Variants in NRG1 observed in about 807,000 individuals in gnomAD.
The protein encoded by NRG1 is pro-neuregulin-1, membrane-bound isoform.
Under a neutral mutation model 63.8 loss-of-function variants are expected in NRG1, and 18 were observed. The observed-to-expected ratio is 0.28, with a 90% CI of 0.19 to 0.42. The LOEUF is 0.42. Among genes scored for constraint, NRG1 ranks in the 10% least tolerant of loss-of-function variants. The probability of loss-of-function intolerance (pLI) is 1.00; values close to 1 mark genes in which losing one functional copy is unlikely to be tolerated. For missense variants in NRG1, 762 were observed against 814.7 expected (o/e 0.94, Z 0.79); for synonymous variants, 302 against 301.3 (o/e 1.00, Z -0.02).
At chr8:32,232,287 A>G (rs1478609209) in intron 1 of NRG1, among the ~76,000 whole-genome samples, 3 of 152,236 alleles carry the variant, frequency 2.0e-5, no homozygotes, top group East Asian at 3.9e-4. Context: ...TAGGAAGTTC[A>G]TGGAATCTTA....
chr8:31,642,667 A>G (rs1444389333), intron 1 of NRG1, among the ~76,000 whole-genome samples: 2 of 152,214 alleles, frequency 1.3e-5, no homozygotes, highest in Non-Finnish European at 2.9e-5. Flanking sequence ...TTTTAAAAAA[A>G]TGGGTTTTTA....
chr8:32,622,229 T>C (rs1203844546), intron 5 of NRG1, among the ~76,000 whole-genome samples: 1 of 151,744 alleles, frequency 6.6e-6, no homozygotes, highest in African/African-American at 2.4e-5. Context: ...GAGGTTTCAG[T>C]AAGTCATGAT....
chr8:31,996,901 C>T (rs1812067837), intron 1 of NRG1, among the ~76,000 whole-genome samples: 1 of 151,920 alleles, frequency 6.6e-6, no homozygotes, highest in South Asian at 2.1e-4. Flanking sequence ...TCACCCACCC[C>T]ATGCCCCATC....
At chr8:31,958,804 A>G (rs1047188456) in intron 1 of NRG1, among the ~76,000 whole-genome samples, 2 of 152,198 alleles carry the variant, frequency 1.3e-5, no homozygotes, top group Non-Finnish European at 2.9e-5. Flanking sequence ...TTTTTATTCA[A>G]TTTATAACTC....
chr8:32,140,470 T>C (rs1002031830), intron 1 of NRG1, among the ~76,000 whole-genome samples: 1 of 151,942 alleles, frequency 6.6e-6, no homozygotes, highest in Non-Finnish European at 1.5e-5. Context: ...TTCTTTCTTT[T>C]TTTTTTTTCT....
intron 1 of NRG1, among the ~76,000 whole-genome samples, chr8:32,167,208 T>C (rs1202306173): frequency 1.3e-5 from 2 of 152,190 alleles, no homozygotes; most frequent in African/African-American, 2.4e-5. Flanking sequence ...CAAAGCCAGA[T>C]AGGCATATTA....
At chr8:32,649,917 C>T (rs1854625683) in intron 5 of NRG1, among the ~76,000 whole-genome samples, 1 of 152,072 alleles carries the variant, frequency 6.6e-6, no homozygotes, top group South Asian at 2.1e-4. Context: ...ACAGATCCTG[C>T]AAAAAGAAGC....
At chr8:31,671,644 G>A (rs1807156848) in intron 1 of NRG1, among the ~76,000 whole-genome samples, 1 of 152,132 alleles carries the variant, frequency 6.6e-6, no homozygotes, top group Non-Finnish European at 1.5e-5. Context: ...TATAATTAAT[G>A]ACTTTTGTTG....
Position 31,640,194 on chromosome 8 carries a change from A to T in NRG1, c.37+763A>T. The T allele has an allele frequency of 8.4e-7, 1 of 1,185,426 alleles. No homozygotes were observed. The allele number at this position is 1,185,426 out of a possible 1,614,324, so 73.4% of individuals were successfully genotyped here. A position where few individuals can be genotyped will look rare whatever the true frequency, so the allele number is the denominator to read the frequency against. Reference sequence around the variant, plus strand: ...GCTACTCGTCCCCGCCCAGCGTGGGATCGGTGCAGGAGCTAGCTCAGCGCG... The same window carrying T: ...GCTACTCGTCCCCGCCCAGCGTGGGTTCGGTGCAGGAGCTAGCTCAGCGCG... On this transcript the variant is annotated intron_variant, in intron 1 of 10. Transcript: ENST00000519301. This position sits in a 1 kb window ranked among gnomAD's most constrained non-coding sequence, Gnocchi z 6.3.
intron 1 of NRG1, among the ~76,000 whole-genome samples, chr8:32,341,018 A>G (rs1297619672): frequency 2.0e-5 from 3 of 152,164 alleles, no homozygotes; most frequent in South Asian, 2.1e-4. Context: ...CAATAACAAT[A>G]CGTGAGAGAT....
intron 1 of NRG1, among the ~76,000 whole-genome samples, chr8:32,401,922 TG>T: frequency 6.6e-6 from 1 of 152,306 alleles, no homozygotes; most frequent in South Asian, 2.1e-4. Flanking sequence ...TTTGTTTGTT[TG>T]TTTTGAGACA....
At chr8:32,677,665 A>C (rs1298246833) in intron 5 of NRG1, among the ~76,000 whole-genome samples, 2 of 152,190 alleles carry the variant, frequency 1.3e-5, no homozygotes, top group Non-Finnish European at 2.9e-5. Context: ...TCAAAAAAAA[A>C]GAAAAAAATT....
At chr8:31,684,909 A>G (rs1808723909) in intron 1 of NRG1, among the ~76,000 whole-genome samples, 1 of 152,212 alleles carries the variant, frequency 6.6e-6, no homozygotes, top group Admixed American at 6.5e-5. Context: ...TGAACTTGAT[A>G]TAAATAGAAA....
intron 1 of NRG1, among the ~76,000 whole-genome samples, chr8:32,494,807 G>C (rs998187295): frequency 3.3e-5 from 5 of 152,092 alleles, no homozygotes; most frequent in African/African-American, 1.2e-4. Flanking sequence ...TTGTGTCTGT[G>C]CATCCAGCCT....
intron 1 of NRG1, among the ~76,000 whole-genome samples, chr8:31,667,840 C>T: frequency 6.6e-6 from 1 of 152,130 alleles, no homozygotes; most frequent in East Asian, 1.9e-4. Flanking sequence ...TAAGACACTG[C>T]AAATTTCCGA....
chr8:32,598,004 T>A (rs561726098), intron 2 of NRG1, among the ~76,000 whole-genome samples: 60 of 152,298 alleles, frequency 3.9e-4, no homozygotes, highest in Non-Finnish European at 7.4e-4. Context: ...AATGAAGTTA[T>A]CTCTACATGC....
chr8:32,109,369 A>T (rs1053813862), intron 1 of NRG1, among the ~76,000 whole-genome samples: 1 of 152,340 alleles, frequency 6.6e-6, no homozygotes, highest in East Asian at 1.9e-4. Flanking sequence ...GGAAAAGCTT[A>T]TTAAACAGAT....
At chr8:32,691,156 T>C (rs1811524108) in intron 5 of NRG1, among the ~76,000 whole-genome samples, 1 of 152,030 alleles carries the variant, frequency 6.6e-6, no homozygotes, top group Admixed American at 6.6e-5. Flanking sequence ...GGTCAGGAGT[T>C]CGAGACCAGC....
chr8:32,266,890 A>T (rs559487293), intron 1 of NRG1, among the ~76,000 whole-genome samples: 1 of 151,422 alleles, frequency 6.6e-6, no homozygotes, highest in South Asian at 2.1e-4. Context: ...AAAAAAAAAA[A>T]AAAAAAAAAT....
Sources: allele counts gnomAD v4.1 joint callset (sites outside exome capture counted in the v4.1 genomes callset), GRCh38; gene constraint gnomAD v4.1.1; non-coding constraint Gnocchi (gnomAD v3.1); transcripts MANE v1.5; gene names NCBI Gene and HGNC (gene_info 2026-07-23, HGNC 2026-07-21).